The following EYS variants were observed in gnomAD, a reference collection of about 807,000 sequenced individuals.
EYS encodes the protein EGF-like photoreceptor maintenance factor, also known as protein eyes shut homolog.
In EYS, 250 loss-of-function variants were observed where a neutral mutation model predicts 282.1. The observed-to-expected ratio is 0.89, with a 90% CI of 0.80 to 0.98. The LOEUF is 0.98. EYS is among the 50% of genes least tolerant of loss of function. The pLI is 0.00. For synonymous variants in EYS, 1,355 were observed against 1,282.9 expected, an observed-to-expected ratio of 1.06 and a Z score of -1.20; for missense variants, 4,016 against 3,709.0, an observed-to-expected ratio of 1.08 and a Z score of -2.15.
At chr6:64,305,603 G>C (rs897394370) in intron 30 of EYS, among the ~76,000 whole-genome samples, 2 of 152,156 alleles carry the variant, frequency 1.3e-5, no homozygotes, top group Non-Finnish European at 2.9e-5. Context: ...TTTTTGACAA[G>C]GGTGCCACAT....
chr6:64,067,962 A>G (rs993205738), intron 32 of EYS, among the ~76,000 whole-genome samples: 1 of 152,134 alleles, frequency 6.6e-6, no homozygotes, highest in African/African-American at 2.4e-5. Flanking sequence ...TGAGCATTTT[A>G]TATATGTCTT....
intron 26 of EYS, among the ~76,000 whole-genome samples, chr6:64,574,200 C>T (rs1453089829): frequency 1.3e-5 from 2 of 152,104 alleles, no homozygotes; most frequent in African/African-American, 4.8e-5. Context: ...ACCACATGTT[C>T]TCACTCATAA....
At chr6:63,949,175 G>GTGAAGAT (rs1341449984) in intron 35 of EYS, among the ~76,000 whole-genome samples, 4 of 152,256 alleles carry the variant, frequency 2.6e-5, no homozygotes, top group African/African-American at 9.6e-5. Flanking sequence ...AGTTCTGTTA[G>GTGAAGAT]AAGAAAAGAT....
At chr6:65,188,815 G>T (rs1765573297) in intron 12 of EYS, among the ~76,000 whole-genome samples, 1 of 149,328 alleles carries the variant, frequency 6.7e-6, no homozygotes, top group African/African-American at 2.5e-5. Flanking sequence ...GCCAAGAAAT[G>T]GGGACAGCTT....
At chr6:65,354,870 T>A (rs1764422412) in intron 8 of EYS, among the ~76,000 whole-genome samples, 1 of 152,028 alleles carries the variant, frequency 6.6e-6, no homozygotes, top group South Asian at 2.1e-4. Context: ...AAAAAATAAT[T>A]ACCATTTAAT....
At chr6:63,978,279 C>G (rs761035558) in intron 35 of EYS, among the ~76,000 whole-genome samples, 4 of 151,944 alleles carry the variant, frequency 2.6e-5, no homozygotes, top group African/African-American at 7.2e-5. Context: ...CTTTCCCCGC[C>G]ACCTGTTTCT....
At chr6:64,369,339 G>A (rs545515047) in intron 29 of EYS, among the ~76,000 whole-genome samples, 6 of 151,944 alleles carry the variant, frequency 3.9e-5, no homozygotes, top group African/African-American at 1.4e-4. Flanking sequence ...GTATAGTCTG[G>A]TAATGTGATC....
At chr6:64,836,138 G>A (rs1159128346) in intron 19 of EYS, among the ~76,000 whole-genome samples, 2 of 150,412 alleles carry the variant, frequency 1.3e-5, no homozygotes, top group Non-Finnish European at 3.0e-5. Flanking sequence ...ACATACATTG[G>A]CACTTTCTCA....
At chr6:64,280,488 T>C (rs1398742494) in intron 30 of EYS, among the ~76,000 whole-genome samples, 1 of 152,028 alleles carries the variant, frequency 6.6e-6, no homozygotes, top group African/African-American at 2.4e-5. Context: ...TGTGACTTCA[T>C]TCATAACTGC....
At chr6:64,892,256 A>G (rs78255139) in intron 18 of EYS, among the ~76,000 whole-genome samples, 20,350 of 151,906 alleles carry the variant, frequency 0.13, 1,645 homozygotes, top group South Asian at 0.23. Flanking sequence ...TAATAAGTAG[A>G]TGTATTATTT....
chr6:65,488,486 C>G (rs1166685217), intron 5 of EYS, among the ~76,000 whole-genome samples: 1 of 152,058 alleles, frequency 6.6e-6, no homozygotes, highest in Non-Finnish European at 1.5e-5. Flanking sequence ...AGGACACAAA[C>G]AAATGGAAAA....
At chr6:64,412,114 A>G (rs1461904904) in intron 28 of EYS, among the ~76,000 whole-genome samples, 1 of 151,834 alleles carries the variant, frequency 6.6e-6, no homozygotes, top group East Asian at 1.9e-4. Context: ...AATATAGAAC[A>G]TTTGAAAAAT....
At chr6:65,255,085 A>C (rs994759772) in intron 12 of EYS, among the ~76,000 whole-genome samples, 1 of 152,010 alleles carries the variant, frequency 6.6e-6, no homozygotes, top group Admixed American at 6.6e-5. Flanking sequence ...ATCCTGAGCA[A>C]AAAGAACAAA....
At chr6:63,812,133 A>G (rs1771063024) in intron 36 of EYS, among the ~76,000 whole-genome samples, 1 of 152,238 alleles carries the variant, frequency 6.6e-6, no homozygotes. Context: ...AATAAAATCA[A>G]AACTCCTGAA....
chr6:65,180,806 A>G (rs1342893881), intron 12 of EYS, among the ~76,000 whole-genome samples: 2 of 152,140 alleles, frequency 1.3e-5, no homozygotes, highest in Non-Finnish European at 2.9e-5. Context: ...ACTTCAAACT[A>G]TACTACAAGG....
At chr6:63,913,317 A>C (rs1412476993) in intron 35 of EYS, among the ~76,000 whole-genome samples, 1 of 152,220 alleles carries the variant, frequency 6.6e-6, no homozygotes, top group Non-Finnish European at 1.5e-5. Flanking sequence ...ATTTTGTATA[A>C]ATATATGTGC....
intron 35 of EYS, among the ~76,000 whole-genome samples, chr6:63,966,919 G>T (rs1766338671): frequency 6.6e-6 from 1 of 152,280 alleles, no homozygotes; most frequent in East Asian, 1.9e-4. Flanking sequence ...CCCAGTGGAT[G>T]CTTGAGACTG....
At chr6:64,715,939 G>T (rs1771376504) in intron 22 of EYS, among the ~76,000 whole-genome samples, 1 of 152,162 alleles carries the variant, frequency 6.6e-6, no homozygotes, top group African/African-American at 2.4e-5. Context: ...AGAAATCTCT[G>T]GAGTGGCTCT....
chr6:63,924,778 A>T (rs2149746171), intron 35 of EYS, among the ~76,000 whole-genome samples: 1 of 152,332 alleles, frequency 6.6e-6, no homozygotes, highest in Non-Finnish European at 1.5e-5. Flanking sequence ...AATAAACTAG[A>T]TTTTCAAAAT....
Sources: allele counts gnomAD v4.1 joint callset (sites outside exome capture counted in the v4.1 genomes callset), GRCh38; gene constraint gnomAD v4.1.1; transcripts MANE v1.5; gene names NCBI Gene and HGNC (gene_info 2026-07-23, HGNC 2026-07-21).